The following BMPR2 variants were observed in gnomAD, a reference collection of about 807,000 sequenced individuals.
The protein encoded by BMPR2 is bone morphogenetic protein receptor type-2.
BMPR2 carries 29 observed loss-of-function variants against 100.8 expected under a neutral mutation model. The observed-to-expected ratio is 0.29, with a 90% confidence interval of 0.21 to 0.39. The LOEUF (loss-of-function observed/expected upper bound fraction) is 0.39. Among genes scored for constraint, BMPR2 ranks in the 10% least tolerant of loss-of-function variants. The pLI is 1.00. For synonymous variants in BMPR2, 382 were observed against 442.3 expected (o/e 0.86, Z 1.71); for missense variants, 1,011 against 1,274.5 (o/e 0.79, Z 3.15).
intron 3 of BMPR2, among the ~76,000 whole-genome samples, chr2:202,483,706 A>C (rs1692710354): frequency 6.6e-6 from 1 of 152,110 alleles, no homozygotes; most frequent in South Asian, 2.1e-4. Flanking sequence ...CCCAGCCCAA[A>C]GTTTTTACTT....
chr2:202,566,115 A>AT lies in BMPR2; in HGVS notation c.*6174dup, dbSNP rs1193510177. 1 of 152,214 alleles carries AT rather than the reference A, an allele frequency of 6.6e-6. No homozygotes were observed. Among genetic ancestry groups the AT allele is most frequent in the Non-Finnish European group, 1.5e-5 (1 of 67,980 alleles). 9.4% of individuals were successfully genotyped at this position (152,214 alleles called of 1,614,324 possible). On this transcript the variant is annotated 3_prime_UTR_variant, in exon 13 of 13. Transcript: ENST00000374580. Reference sequence around the variant, plus strand: ...ATTAGGGTGTCCAGTTTATGATTGAATTTTTAAGCAAATTACTGTATTTGA... The same window carrying AT: ...ATTAGGGTGTCCAGTTTATGATTGAATTTTTTAAGCAAATTACTGTATTTGA...
At chr2:202,534,863 C>A (rs1474291914) in intron 9 of BMPR2, among the ~76,000 whole-genome samples, 3 of 144,820 alleles carry the variant, frequency 2.1e-5, no homozygotes, top group Non-Finnish European at 3.0e-5. Flanking sequence ...CTGACCCCCC[C>A]ACCTCCCTCC....
rs1437799493 is a variant in BMPR2, at chr2:202,495,404, C to T, written c.419-18315C>T. On this transcript the variant is annotated intron_variant, in intron 3 of 12. Coordinates refer to ENST00000374580, the MANE Select transcript of BMPR2 (RefSeq NM_001204.7). This position sits in a 1 kb window ranked among gnomAD's most constrained non-coding sequence, Gnocchi z 4.5. ...TGTCGTTCTGTCGACGGCCTGCCGGCGTGCGGGTGCCTATCGTTGTGCTCT... is the reference window on the plus strand; with the variant it reads ...TGTCGTTCTGTCGACGGCCTGCCGGTGTGCGGGTGCCTATCGTTGTGCTCT... Among the ~76,000 whole-genome samples, 3 of 152,212 alleles carry T rather than the reference C, an allele frequency of 2.0e-5. No homozygotes were observed. The highest frequency in any genetic ancestry group is 2.9e-5 in the Non-Finnish European group (2 of 68,038).
rs1329503112 is a variant in BMPR2, at chr2:202,495,764, T to A, written c.419-17955T>A. 5.3e-5 allele frequency among the ~76,000 whole-genome samples: 8 copies of A among 152,360 alleles called. No homozygotes were observed. Among genetic ancestry groups the A allele is most frequent in the Non-Finnish European group, 4.4e-5 (3 of 68,030 alleles). On this transcript the variant is annotated intron_variant, in intron 3 of 12. Coordinates refer to ENST00000374580, the MANE Select transcript of BMPR2 (RefSeq NM_001204.7). The surrounding 1 kb of genome is among the most constrained non-coding windows in gnomAD (Gnocchi z 4.5). The stretch of plus-strand genomic sequence containing the variant: ...TTAAAATGTTTTAAAACTTTTTTCA[T>A]TCTCTCCAATATATGAATTAATAAT...
At chr2:202,389,893 G>A (rs1249924942) in intron 1 of BMPR2, among the ~76,000 whole-genome samples, 1 of 151,802 alleles carries the variant, frequency 6.6e-6, no homozygotes, top group Non-Finnish European at 1.5e-5. Flanking sequence ...GCCCGCCTCA[G>A]CCTCCCAAAG....
rs184676996 is a variant in BMPR2, at chr2:202,414,624, A to G, written c.76+37074A>G. 3.3e-4 allele frequency among the ~76,000 whole-genome samples: 51 copies of G among 152,324 alleles called. No individual in the cohort carries two copies. The East Asian group carries it at 4.0e-3, about 12-fold the overall frequency. ...CCAGTGAATACAGGAATGATAAGAAAATTAAACAGCTTTATTGCTGATAGA... is the reference window on the plus strand; with the variant it reads ...CCAGTGAATACAGGAATGATAAGAAGATTAAACAGCTTTATTGCTGATAGA... On this transcript the variant is annotated intron_variant, in intron 1 of 12. Coordinates refer to ENST00000374580, the MANE Select transcript of BMPR2 (RefSeq NM_001204.7).
rs780722371 is a variant in BMPR2, at chr2:202,552,825, G to A, written c.1523G>A (p.Trp508Ter). The A allele has an allele frequency of 1.2e-6, 2 of 1,614,158 alleles. No homozygotes were observed. The highest frequency in any genetic ancestry group is 1.7e-6 in the Non-Finnish European group (2 of 1,180,034). Residue 508 changes from tryptophan (W) to a stop codon, truncating the protein, a stop_gained, in exon 11 of 13, where the codon TGG (tryptophan) becomes TAG (stop). Transcript: ENST00000374580. LOFTEE classifies it high-confidence loss of function. ...EERMAELMMIWERNKSVSPTV... is the reference protein window; with the variant it reads ...EERMAELMMI ...AGGATGGCTGAACTTATGATGATTTGGGAAAGAAACAAATCTGTGAGCCCA... is the reference window on the plus strand; with the variant it reads ...AGGATGGCTGAACTTATGATGATTTAGGAAAGAAACAAATCTGTGAGCCCA...
At chr2:202,431,548 C>T (rs1172976371) in intron 1 of BMPR2, among the ~76,000 whole-genome samples, 1 of 150,586 alleles carries the variant, frequency 6.6e-6, no homozygotes, top group African/African-American at 2.5e-5. Context: ...TGGTCAACAG[C>T]AGACCTAATG....
chr2:202,457,446 CTTT>C (rs1043918791), intron 1 of BMPR2, among the ~76,000 whole-genome samples: 1 of 149,744 alleles, frequency 6.7e-6, no homozygotes, highest in South Asian at 2.1e-4. Flanking sequence ...TTTATAATGA[CTTT>C]TTTTAGAATG....
chr2:202,517,265 T>C (rs1156830149), intron 5 of BMPR2, among the ~76,000 whole-genome samples: 1 of 149,710 alleles, frequency 6.7e-6, no homozygotes, highest in Non-Finnish European at 1.5e-5. Context: ...TAGTAAGCAA[T>C]AAACTTGGTT....
chr2:202,418,567 G>A (rs1574437898), intron 1 of BMPR2, among the ~76,000 whole-genome samples: 1 of 152,210 alleles, frequency 6.6e-6, no homozygotes, highest in African/African-American at 2.4e-5. Flanking sequence ...GGTGGCAGAA[G>A]TTATAGATAC....
intron 1 of BMPR2, among the ~76,000 whole-genome samples, chr2:202,462,525 CCACTGTTT>C (rs1287012627): frequency 6.6e-6 from 1 of 151,784 alleles, no homozygotes; most frequent in Non-Finnish European, 1.5e-5. Flanking sequence ...AGGCTAGTAA[CCACTGTTT>C]ATCTATTAAT....
chr2:202,424,256 C>A (rs538523871), intron 1 of BMPR2, among the ~76,000 whole-genome samples: 4 of 151,890 alleles, frequency 2.6e-5, no homozygotes, highest in Non-Finnish European at 5.9e-5. Context: ...TGCCTGTAAT[C>A]CCTGCCACTT....
At chr2:202,486,531 C>A (rs1177558205) in intron 3 of BMPR2, among the ~76,000 whole-genome samples, 1 of 150,888 alleles carries the variant, frequency 6.6e-6, no homozygotes, top group African/African-American at 2.4e-5. Flanking sequence ...ACTCAGGCGG[C>A]TACAGCACAA....
chr2:202,488,050 C>T (rs1357258572), intron 3 of BMPR2, among the ~76,000 whole-genome samples: 1 of 152,214 alleles, frequency 6.6e-6, no homozygotes, highest in Non-Finnish European at 1.5e-5. Flanking sequence ...CATTAGTGCT[C>T]CCCATCATGT....
At chr2:202,553,749 C>T (rs912437972) in intron 11 of BMPR2, among the ~76,000 whole-genome samples, 6 of 151,742 alleles carry the variant, frequency 4.0e-5, no homozygotes, top group African/African-American at 1.5e-4. Flanking sequence ...AGTGCAGTGG[C>T]GTGATCCTGG....
chr2:202,546,167 G>A (rs1018423968), intron 10 of BMPR2, among the ~76,000 whole-genome samples: 1 of 152,168 alleles, frequency 6.6e-6, no homozygotes, highest in South Asian at 2.1e-4. Context: ...AATCTAATGT[G>A]CTACAGTCAA....
chr2:202,520,403 G>A (rs1687799863), intron 7 of BMPR2: 2 of 598,370 alleles, frequency 3.3e-6, no homozygotes, highest in South Asian at 4.1e-5. Flanking sequence ...ATGGCAGAGG[G>A]GCAGTCCTGG....
intron 7 of BMPR2, among the ~76,000 whole-genome samples, chr2:202,526,410 G>A (rs1443401262): frequency 6.6e-6 from 1 of 152,090 alleles, no homozygotes; most frequent in Non-Finnish European, 1.5e-5. Context: ...ATATTAGCAT[G>A]GATCATCTTT....
Sources: gnomAD v4.1 joint callset for allele counts (sites outside exome capture counted in the v4.1 genomes callset) on GRCh38, gnomAD v4.1.1 for gene constraint, Gnocchi (gnomAD v3.1) non-coding constraint, MANE v1.5 for transcripts, NCBI Gene and HGNC (gene_info 2026-07-23, HGNC 2026-07-21) for gene names.